The following PKP4 variants were observed in gnomAD, a reference collection of about 807,000 sequenced individuals.
The protein encoded by PKP4 is plakophilin 4, also known as plakophilin-4.
In PKP4, 90 loss-of-function variants were observed where a neutral mutation model predicts 145.1. That is an observed-to-expected ratio of 0.62 (90% CI 0.52 to 0.74). PKP4 has a LOEUF of 0.74. Ranked by LOEUF, PKP4 falls within the 30% of genes least tolerant of loss-of-function variation. PKP4 has a pLI of 0.00. For synonymous variants in PKP4, 563 were observed against 577.2 expected, an observed-to-expected ratio of 0.98 and a Z score of 0.35; for missense variants, 1,340 against 1,482.7, an observed-to-expected ratio of 0.90 and a Z score of 1.58.
At chr2:158,518,890 A>G (rs1212667819) in intron 1 of PKP4, among the ~76,000 whole-genome samples, 1 of 152,194 alleles carries the variant, frequency 6.6e-6, no homozygotes, top group Non-Finnish European at 1.5e-5. Context: ...CCACTATAGT[A>G]ACATATATAA....
At chr2:158,493,354 A>G (rs960245813) in intron 1 of PKP4, among the ~76,000 whole-genome samples, 6 of 152,126 alleles carry the variant, frequency 3.9e-5, no homozygotes, top group Non-Finnish European at 7.4e-5. Context: ...TTTAAATCCA[A>G]GTGTTTTTTC....
chr2:158,680,704 T>G lies in PKP4; in HGVS notation c.*27T>G. 1 of 1,576,220 alleles carries G rather than the reference T, an allele frequency of 6.3e-7. No individual in the cohort carries two copies. Among genetic ancestry groups the G allele is most frequent in the East Asian group, 2.2e-5 (1 of 44,504 alleles). On this transcript the variant is annotated 3_prime_UTR_variant, in exon 22 of 22. Coordinates refer to ENST00000389759, the MANE Select transcript of PKP4 (RefSeq NM_003628.6). ...ATCAAGATGCCCAACAGAGGAACTC[T>G]TTCTTTCTAACCTTGTTCAGATTGA...
intron 15 of PKP4, chr2:158,665,847 C>G (rs1446295796): frequency 2.0e-5 from 3 of 152,212 alleles, no homozygotes; most frequent in Non-Finnish European, 4.4e-5. Context: ...AATATACTTA[C>G]TTTTTCACCA....
intron 4 of PKP4, among the ~76,000 whole-genome samples, chr2:158,616,828 C>T (rs527724407): frequency 2.6e-5 from 4 of 152,238 alleles, no homozygotes; most frequent in East Asian, 1.9e-4. Context: ...GACCCTGTTT[C>T]GTACAGCAAG....
chr2:158,498,183 G>T (rs1696023969), intron 1 of PKP4, among the ~76,000 whole-genome samples: 1 of 151,798 alleles, frequency 6.6e-6, no homozygotes, highest in African/African-American at 2.4e-5. Context: ...TTTGAGATGG[G>T]GTCTTACTAT....
At chr2:158,563,056 A>C (rs2046678340) in intron 2 of PKP4, among the ~76,000 whole-genome samples, 2 of 152,296 alleles carry the variant, frequency 1.3e-5, no homozygotes, top group Admixed American at 6.5e-5. Context: ...AGAGAAATAC[A>C]TACAGTAGAA....
At chr2:158,552,457 T>A (rs1036857188) in intron 2 of PKP4, among the ~76,000 whole-genome samples, 4 of 152,146 alleles carry the variant, frequency 2.6e-5, no homozygotes, top group Non-Finnish European at 4.4e-5. Flanking sequence ...GGAATTGCTG[T>A]GGAATTGGAT....
chr2:158,530,484 G>A (rs917874799), intron 1 of PKP4, among the ~76,000 whole-genome samples: 2 of 142,966 alleles, frequency 1.4e-5, no homozygotes, highest in Non-Finnish European at 3.0e-5. Context: ...GTCTCTTTAC[G>A]ATAGAAGTAC....
intron 1 of PKP4, among the ~76,000 whole-genome samples, chr2:158,474,113 ATCC>A (rs1442497296): frequency 6.6e-6 from 1 of 152,206 alleles, no homozygotes; most frequent in African/African-American, 2.4e-5. Flanking sequence ...TACTTCTTTC[ATCC>A]TCATAGTCAT....
chr2:158,471,301 A>T (rs534314330), intron 1 of PKP4, among the ~76,000 whole-genome samples: 2 of 152,354 alleles, frequency 1.3e-5, no homozygotes, highest in African/African-American at 4.8e-5. Flanking sequence ...AGAATGTTTC[A>T]TCAGTGTAGA....
chr2:158,581,043 ACAT>A (rs1300518562), intron 3 of PKP4, among the ~76,000 whole-genome samples: 1 of 152,186 alleles, frequency 6.6e-6, no homozygotes, highest in Non-Finnish European at 1.5e-5. Context: ...TGCTTCGGGC[ACAT>A]CATGTAAAGG....
chr2:158,495,725 T>C (rs1695603556), intron 1 of PKP4, among the ~76,000 whole-genome samples: 1 of 151,378 alleles, frequency 6.6e-6, no homozygotes. Flanking sequence ...TCCCAACTAC[T>C]CAGGAGGCTG....
intron 2 of PKP4, among the ~76,000 whole-genome samples, chr2:158,574,632 A>G (rs970035982): frequency 3.3e-5 from 5 of 152,226 alleles, no homozygotes; most frequent in African/African-American, 9.6e-5. Flanking sequence ...GCAAGAAAGC[A>G]TATTTTTTCT....
At chr2:158,648,407 C>T (rs1264178433) in intron 11 of PKP4, among the ~76,000 whole-genome samples, 2 of 152,146 alleles carry the variant, frequency 1.3e-5, no homozygotes, top group Admixed American at 1.3e-4. Context: ...TAACAAAGGG[C>T]AGAACAGTCT....
intron 4 of PKP4, among the ~76,000 whole-genome samples, chr2:158,610,148 T>C (rs971534286): frequency 3.3e-5 from 5 of 152,248 alleles, no homozygotes; most frequent in Admixed American, 2.0e-4. Flanking sequence ...TTTGTGTTTT[T>C]TTATGAGGAG....
At chr2:158,564,870 A>G (rs929848592) in intron 2 of PKP4, among the ~76,000 whole-genome samples, 6 of 152,316 alleles carry the variant, frequency 3.9e-5, no homozygotes, top group Middle Eastern at 3.4e-3. Context: ...GTTCCCATGT[A>G]TACTTGCATC....
chr2:158,675,948 A>T (rs539229436), intron 19 of PKP4, among the ~76,000 whole-genome samples: 1 of 152,298 alleles, frequency 6.6e-6, no homozygotes, highest in East Asian at 1.9e-4. Flanking sequence ...GGGAAGCAAG[A>T]TGATTTTTTT....
At chr2:158,503,701 C>T (rs1696906501) in intron 1 of PKP4, among the ~76,000 whole-genome samples, 1 of 152,136 alleles carries the variant, frequency 6.6e-6, no homozygotes, top group Non-Finnish European at 1.5e-5. Context: ...ATTATTTTAA[C>T]CCCACCACCC....
intron 11 of PKP4, among the ~76,000 whole-genome samples, chr2:158,656,777 ACT>A (rs2055986200): frequency 6.6e-6 from 1 of 151,920 alleles, no homozygotes; most frequent in Non-Finnish European, 1.5e-5. Flanking sequence ...AGATTGTTTC[ACT>A]CTCTTCACTT....
Sources: gnomAD v4.1 joint callset for allele counts (sites outside exome capture counted in the v4.1 genomes callset) on GRCh38, gnomAD v4.1.1 for gene constraint, MANE v1.5 for transcripts, NCBI Gene and HGNC (gene_info 2026-07-23, HGNC 2026-07-21) for gene names.